The following INTS7 variants were observed in gnomAD, a reference collection of about 807,000 sequenced individuals.
INTS7 encodes chromosome 1 open reading frame 73.
In INTS7, 46 loss-of-function variants were observed where a neutral mutation model predicts 109.2. The ratio of observed to expected loss-of-function variants is 0.42; its 90% CI spans 0.33 to 0.54. The LOEUF (loss-of-function observed/expected upper bound fraction) is 0.54. Ranked by LOEUF, INTS7 falls within the 20% of genes least tolerant of loss-of-function variation. The pLI is 0.07. For missense variants in INTS7, 929 were observed against 1,132.4 expected, an observed-to-expected ratio of 0.82 and a Z score of 2.58; for synonymous variants, 412 against 402.9, an observed-to-expected ratio of 1.02 and a Z score of -0.27.
intron 4 of INTS7, 185 bp from the exon 5 acceptor site, chr1:212,011,606 G>C: frequency 1.7e-6 from 1 of 576,796 alleles, no homozygotes; most frequent in Non-Finnish European, 3.1e-6. Context: ...AAAAACTCCA[G>C]CACCAAATGG....
intron 4 of INTS7, among the ~76,000 whole-genome samples, chr1:212,012,702 AATC>A (rs1187802003): frequency 6.6e-6 from 1 of 152,244 alleles, no homozygotes; most frequent in Non-Finnish European, 1.5e-5. Context: ...TTAGATGTTT[AATC>A]ATCATTTCCA....
Position 212,023,852 on chromosome 1 carries a change from T to A in INTS7, c.95-2640A>T, listed in dbSNP as rs116463477. Among the ~76,000 whole-genome samples, 872 of 152,264 alleles carry A rather than the reference T, an allele frequency of 5.7e-3. 6 individuals carry two copies. The highest frequency in any genetic ancestry group is 0.019 in the African/African-American group (807 of 41,514). On this transcript the variant is annotated intron_variant, in intron 1 of 19. Transcript: ENST00000366994. The stretch of plus-strand genomic sequence containing the variant: ...CTTCTAGGATTCTTAGAGTTTGAGG[T>A]CTTACATTTGAATATTTAATCCACC...
chr1:211,942,214 A>G lies in INTS7; in HGVS notation c.2602-103T>C, dbSNP rs1333839831. ...AGAGCTTATTTAGACCATGCAGACAATAAAAAATTAGGTACTGCTATCATC... is the reference window on the plus strand; with the variant it reads ...AGAGCTTATTTAGACCATGCAGACAGTAAAAAATTAGGTACTGCTATCATC... On this transcript the variant is annotated intron_variant, in intron 19 of 19. Transcript: ENST00000366994. This position sits in a 1 kb window ranked among gnomAD's most constrained non-coding sequence, Gnocchi z 4.2. The G allele has an allele frequency of 7.9e-7, 1 of 1,260,510 alleles. No homozygotes were observed. Among genetic ancestry groups the G allele is most frequent in the African/African-American group, 1.5e-5 (1 of 66,918 alleles). The allele number at this position is 1,260,510 out of a possible 1,614,324, so 78.1% of individuals were successfully genotyped here.
rs752293827 is a variant in INTS7 at position 212,035,394 on chromosome 1, T to G, written c.44A>C (p.Tyr15Ser). ...GTTGGCATCCAGTTCCTGTTCGCCA[T>G]AGCCGGCATCTGCCAGGAAAGACTT... ...STKSFLADAG[Y>S]GEQELDANSA... The change falls in exon 1 of 20, where the codon TAT becomes TCT. Residue 15 changes from tyrosine to serine, a missense_variant. Tyr to Ser is a moderately radical substitution (Grantham distance 144). Around this residue, in one of 2 missense-constraint regions of INTS7, gnomAD observed 142 missense variants for 231.4 expected, o/e 0.61. Coordinates refer to ENST00000366994, the MANE Select transcript of INTS7 (RefSeq NM_015434.4). 5.0e-6 allele frequency: 8 copies of G among 1,614,094 alleles called. No homozygotes were observed. In the South Asian group the frequency reaches 8.8e-5, roughly 18 times the overall value.
rs2102373399 is a variant in INTS7 at position 211,941,735 on chromosome 1, A to G, written c.*89T>C. 2 of 1,491,016 alleles carry G rather than the reference A, an allele frequency of 1.3e-6. No individual in the cohort carries two copies. Among genetic ancestry groups the G allele is most frequent in the Middle Eastern group, 2.3e-4 (1 of 4,290 alleles). The allele number at this position is 1,491,016 out of a possible 1,614,324, so 92.4% of individuals were successfully genotyped here. A position where few individuals can be genotyped will look rare whatever the true frequency, so the allele number is the denominator to read the frequency against. On this transcript the variant is annotated 3_prime_UTR_variant, in exon 20 of 20. Coordinates refer to ENST00000366994, the MANE Select transcript of INTS7 (RefSeq NM_015434.4). Reference sequence around the variant, plus strand: ...TCAATGAATAAATGAACTACACTGTAACTTTAATACTTATTCCATATGAAA... The same window carrying G: ...TCAATGAATAAATGAACTACACTGTGACTTTAATACTTATTCCATATGAAA...
At chr1:211,968,313 T>C (rs1664002892) in intron 14 of INTS7, among the ~76,000 whole-genome samples, 200 bp downstream of exon 14, 1 of 152,246 alleles carries the variant, frequency 6.6e-6, no homozygotes, top group Admixed American at 6.5e-5. Flanking sequence ...TATAAATATG[T>C]AGCACCCATT....
chr1:211,956,045 T>G (rs1008266661), intron 16 of INTS7, among the ~76,000 whole-genome samples: 1 of 152,332 alleles, frequency 6.6e-6, no homozygotes, highest in East Asian at 1.9e-4. Context: ...TGTTTCCTGA[T>G]AGTTCATATA....
intron 1 of INTS7, among the ~76,000 whole-genome samples, chr1:212,026,154 C>A (rs1666909150): frequency 6.6e-6 from 1 of 151,988 alleles, no homozygotes; most frequent in Admixed American, 6.6e-5. Context: ...CCAAAAAAAA[C>A]AAAAAGACAA....
intron 4 of INTS7, among the ~76,000 whole-genome samples, chr1:212,013,057 A>C (rs1187842986): frequency 6.6e-6 from 1 of 152,242 alleles, no homozygotes; most frequent in Non-Finnish European, 1.5e-5. Flanking sequence ...CATGTGCAGC[A>C]TAACAACGTT....
chr1:211,944,739 C>T, intron 19 of INTS7, 45 bp downstream of exon 19: 1 of 1,479,062 alleles, frequency 6.8e-7, no homozygotes, highest in South Asian at 1.1e-5. Context: ...CATCAATGAG[C>T]TCATATAAAA....
rs1288939556 is a variant in INTS7 at position 211,988,015 on chromosome 1, A to G, written c.880-12T>C. On this transcript the variant is annotated splice_polypyrimidine_tract_variant and intron_variant, in intron 7 of 19. Coordinates refer to ENST00000366994, the MANE Select transcript of INTS7 (RefSeq NM_015434.4). ...CACTCACAAAGTGCCTGGAATGCAG[A>G]AGAGAAATGAATATAGAAGTTAAAA... 7 of 1,310,166 alleles carry G rather than the reference A, an allele frequency of 5.3e-6. No individual in the cohort carries two copies. The highest frequency in any genetic ancestry group is 6.6e-6 in the Non-Finnish European group (6 of 908,980). 81.2% of individuals were successfully genotyped at this position (1,310,166 alleles called of 1,614,324 possible). A position where few individuals can be genotyped will look rare whatever the true frequency, so the allele number is the denominator to read the frequency against.
intron 13 of INTS7, among the ~76,000 whole-genome samples, chr1:211,971,246 C>G (rs1664152441): frequency 6.6e-6 from 1 of 152,174 alleles, no homozygotes; most frequent in Non-Finnish European, 1.5e-5. Context: ...CCAGATACTG[C>G]CAAATATCCC....
chr1:211,980,291 T>C (rs1197240393), intron 10 of INTS7, among the ~76,000 whole-genome samples: 1 of 152,190 alleles, frequency 6.6e-6, no homozygotes, highest in African/African-American at 2.4e-5. Flanking sequence ...ATGACTTCCT[T>C]GAAACCACAC....
chr1:211,985,040 CTA>C (rs1465141677), intron 8 of INTS7, among the ~76,000 whole-genome samples: 5 of 152,094 alleles, frequency 3.3e-5, no homozygotes, highest in Admixed American at 6.5e-5. Context: ...CAATGTGTGA[CTA>C]TGTAAATAAG....
rs1346879790 is a variant in INTS7 at position 211,941,990 on chromosome 1, G to T, written c.2723C>A (p.Ser908Tyr). 3.1e-6 allele frequency: 5 copies of T among 1,614,204 alleles called. No homozygotes were observed. In the South Asian group the frequency reaches 5.5e-5, roughly 18 times the overall value. Residue 908 changes from serine (S) to tyrosine (Y), a missense_variant, in exon 20 of 20, where the codon TCT becomes TAT. By Grantham distance (144) the Ser-to-Tyr change is moderately radical (BLOSUM62 -2). Around this residue, in one of 2 missense-constraint regions of INTS7, gnomAD observed 787 missense variants for 901.1 expected, o/e 0.87. Transcript: ENST00000366994. The stretch of plus-strand genomic sequence containing the variant: ...TATACCATTGGCATCTTTCACAGAA[G>T]ATTCCACTGTAATGTTGTGTGTTCC... The part of the protein sequence containing the change: ...ILGTHNITVE[S>Y]SVKDANGIVW...
intron 17 of INTS7, among the ~76,000 whole-genome samples, chr1:211,947,016 AATTAT>A (rs1482349547): frequency 2.0e-5 from 3 of 152,236 alleles, no homozygotes; most frequent in Admixed American, 6.5e-5. Context: ...ATTATTAAAC[AATTAT>A]ATTAGATACT....
chr1:211,991,013 T>C (rs1039346637), intron 7 of INTS7, among the ~76,000 whole-genome samples: 5 of 152,180 alleles, frequency 3.3e-5, no homozygotes, highest in African/African-American at 7.2e-5. Context: ...GTGGTCATGA[T>C]GGCCTGAACT....
At chr1:212,032,441 T>A (rs1290672176) in intron 1 of INTS7, among the ~76,000 whole-genome samples, 3 of 152,022 alleles carry the variant, frequency 2.0e-5, no homozygotes, top group Non-Finnish European at 4.4e-5. Context: ...GTCCTTTTGA[T>A]GGCTTGCACG....
chr1:212,020,704 A>G, intron 2 of INTS7: 1 of 1,006,910 alleles, frequency 9.9e-7, no homozygotes, highest in Non-Finnish European at 1.2e-6. Context: ...GCAAATAGGC[A>G]TGTATTCAGT....
Sources: allele counts gnomAD v4.1 joint callset (sites outside exome capture counted in the v4.1 genomes callset), GRCh38; gene constraint gnomAD v4.1.1; regional missense constraint gnomAD v4.1.1; non-coding constraint Gnocchi (gnomAD v3.1); transcripts MANE v1.5; gene names NCBI Gene and HGNC (gene_info 2026-07-23, HGNC 2026-07-21).